The following DISC1 variants were observed in gnomAD, a reference collection of about 807,000 sequenced individuals.
The protein encoded by DISC1 is DISC1 scaffold protein.
Under a neutral mutation model 84.5 loss-of-function variants are expected in DISC1, and 57 were observed. The observed-to-expected ratio is 0.67, with a 90% CI of 0.55 to 0.84. The LOEUF (loss-of-function observed/expected upper bound fraction) is 0.84. Ranked by LOEUF, DISC1 falls within the 40% of genes least tolerant of loss-of-function variation. DISC1 has a pLI of 0.00. For missense variants in DISC1, 1,000 were observed against 1,057.8 expected, an observed-to-expected ratio of 0.95 and a Z score of 0.76; for synonymous variants, 411 against 415.2, an observed-to-expected ratio of 0.99 and a Z score of 0.12.
chr1:231,991,649 G>A (rs934023220), intron 10 of DISC1, among the ~76,000 whole-genome samples: 2 of 152,102 alleles, frequency 1.3e-5, no homozygotes, highest in African/African-American at 4.8e-5. Context: ...TGCATGCTTT[G>A]GCAGAATTAC....
At chr1:231,662,216 T>C (rs1463564424) in intron 1 of DISC1, among the ~76,000 whole-genome samples, 1 of 152,182 alleles carries the variant, frequency 6.6e-6, no homozygotes, top group African/African-American at 2.4e-5. Context: ...TCTCACCCAG[T>C]CAGGTGGAAT....
intron 9 of DISC1, among the ~76,000 whole-genome samples, chr1:231,925,017 T>C (rs1228229116): frequency 6.6e-6 from 1 of 151,462 alleles, no homozygotes; most frequent in East Asian, 1.9e-4. Flanking sequence ...CCAGCATTTG[T>C]CTTATGGATA....
chr1:231,638,565 A>T (rs1215807207), intron 1 of DISC1, among the ~76,000 whole-genome samples: 1 of 152,166 alleles, frequency 6.6e-6, no homozygotes, highest in Non-Finnish European at 1.5e-5. Flanking sequence ...GCATATGGCC[A>T]TCCAATTTCC....
intron 6 of DISC1, among the ~76,000 whole-genome samples, chr1:231,780,348 CAAGG>C (rs1255259109): frequency 6.6e-6 from 1 of 151,100 alleles, no homozygotes; most frequent in East Asian, 1.9e-4. Flanking sequence ...TTGAGAAACT[CAAGG>C]GAGGAATTCT....
intron 11 of DISC1, among the ~76,000 whole-genome samples, chr1:232,021,025 A>G (rs1668907228): frequency 6.6e-6 from 1 of 152,254 alleles, no homozygotes. Context: ...TGACCGTAAC[A>G]TATAAACATC....
At chr1:231,912,148 T>C (rs2089259426) in intron 9 of DISC1, among the ~76,000 whole-genome samples, 1 of 152,298 alleles carries the variant, frequency 6.6e-6, no homozygotes, top group South Asian at 2.1e-4. Context: ...AAGTTTATTA[T>C]TACCGATCGT....
chr1:232,000,074 C>T (rs910907726), intron 10 of DISC1, among the ~76,000 whole-genome samples: 1 of 152,082 alleles, frequency 6.6e-6, no homozygotes, highest in Admixed American at 6.6e-5. Flanking sequence ...AACCATTCAT[C>T]ATAACAAAAA....
chr1:231,778,836 A>G (rs1465880711), intron 6 of DISC1, among the ~76,000 whole-genome samples: 6 of 152,084 alleles, frequency 3.9e-5, no homozygotes, highest in East Asian at 1.9e-4. Flanking sequence ...TAAGCCCCCA[A>G]CCACTGAACG....
intron 3 of DISC1, among the ~76,000 whole-genome samples, chr1:231,707,438 A>G (rs937937944): frequency 6.6e-6 from 1 of 152,174 alleles, no homozygotes; most frequent in Non-Finnish European, 1.5e-5. Context: ...TCTGCTTGCT[A>G]TATCACCTTG....
chr1:231,934,924 G>A (rs1056071786), intron 9 of DISC1, among the ~76,000 whole-genome samples: 2 of 152,172 alleles, frequency 1.3e-5, no homozygotes, highest in African/African-American at 4.8e-5. Flanking sequence ...CGAAGAAAGG[G>A]TTTATCTCAG....
Position 231,694,578 on chromosome 1 carries a change from T to C in DISC1, c.820T>C (p.Ser274Pro). The C allele has an allele frequency of 6.2e-7, 1 of 1,614,250 alleles. No individual in the cohort carries two copies. The highest frequency in any genetic ancestry group is 8.5e-7 in the Non-Finnish European group (1 of 1,180,044). ...CTTCAGTCTCTTGGCTACACGGGTCTCTGCAGACTTGGCCCAGGCCGCAAG... is the reference window on the plus strand; with the variant it reads ...CTTCAGTCTCTTGGCTACACGGGTCCCTGCAGACTTGGCCCAGGCCGCAAG... Reference protein sequence around the residue: ...RPFSLLATRVSADLAQAARNS... With the variant: ...RPFSLLATRVPADLAQAARNS... The change falls in exon 2 of 13, where the codon TCT (serine) becomes CCT (proline). Residue 274 changes from serine to proline, a missense_variant. Around this residue, in one of 3 missense-constraint regions of DISC1, gnomAD observed 311 missense variants for 400.1 expected, o/e 0.78. Transcript: ENST00000439617.
intron 5 of DISC1, among the ~76,000 whole-genome samples, chr1:231,768,249 G>C (rs1183816945): frequency 2.6e-5 from 4 of 152,160 alleles, no homozygotes; most frequent in Non-Finnish European, 5.9e-5. Context: ...GACTTCATGG[G>C]AAGAGCATAG....
intron 1 of DISC1, among the ~76,000 whole-genome samples, chr1:231,666,729 T>C (rs1300182454): frequency 6.6e-6 from 1 of 152,024 alleles, no homozygotes; most frequent in Non-Finnish European, 1.5e-5. Context: ...GCTTGAAGGA[T>C]AAAATGAAAG....
chr1:231,978,960 G>A (rs1046180804), intron 10 of DISC1, among the ~76,000 whole-genome samples: 1 of 152,188 alleles, frequency 6.6e-6, no homozygotes, highest in African/African-American at 2.4e-5. Flanking sequence ...AACAGCAGGT[G>A]AGTAAGCGAA....
chr1:232,028,898 A>G (rs533352381), intron 12 of DISC1, among the ~76,000 whole-genome samples: 2 of 152,202 alleles, frequency 1.3e-5, no homozygotes, highest in African/African-American at 4.8e-5. Context: ...CTATAAATGG[A>G]TAGGGATTAT....
chr1:231,669,242 A>C (rs1380497965), intron 1 of DISC1, among the ~76,000 whole-genome samples: 2 of 152,158 alleles, frequency 1.3e-5, no homozygotes, highest in Non-Finnish European at 2.9e-5. Context: ...GTTGGTGTAC[A>C]AAATAGGGGT....
chr1:231,781,189 C>A (rs1185067190), intron 6 of DISC1, among the ~76,000 whole-genome samples: 11 of 76,262 alleles, frequency 1.4e-4, no homozygotes, highest in South Asian at 3.8e-4. Flanking sequence ...AATGCAGCCT[C>A]AGGAAAAAAA....
intron 3 of DISC1, chr1:231,722,611 C>G: frequency 6.2e-7 from 1 of 1,614,050 alleles, no homozygotes; most frequent in South Asian, 1.1e-5. Context: ...ATGAAACTTC[C>G]CAAATTTAAA....
In DISC1 at chr1:231,954,706, G is replaced by C. The variant is rs1460988446; in HGVS notation, c.1982-4122G>C. ...GGTAGGGAAGAAAGGAAGAGGAGGG[G>C]AGTAAGAAGAGAGGAAAAGGTGAGC... On this transcript the variant is annotated intron_variant, in intron 9 of 12. Transcript: ENST00000439617. The surrounding 1 kb of genome is among the most constrained non-coding windows in gnomAD (Gnocchi z 4.8). 1.3e-5 allele frequency among the ~76,000 whole-genome samples: 2 copies of C among 152,330 alleles called. No homozygotes were observed. The highest frequency in any genetic ancestry group is 3.4e-3 in the Middle Eastern group (1 of 294).
Sources: gnomAD v4.1 joint callset for allele counts (sites outside exome capture counted in the v4.1 genomes callset) on GRCh38, gnomAD v4.1.1 for gene constraint, gnomAD v4.1.1 regional missense constraint, Gnocchi (gnomAD v3.1) non-coding constraint, MANE v1.5 for transcripts, NCBI Gene and HGNC (gene_info 2026-07-23, HGNC 2026-07-21) for gene names.